Variants in NRXN3 observed in about 807,000 individuals in gnomAD.
NRXN3 encodes neurexin III.
NRXN3 carries 32 observed loss-of-function variants against 137.6 expected under a neutral mutation model. That is an observed-to-expected ratio of 0.23 (90% CI 0.18 to 0.31). NRXN3 has a LOEUF of 0.31. Ranked by LOEUF, NRXN3 falls within the 10% of genes least tolerant of loss-of-function variation. NRXN3 has a pLI of 1.00. For synonymous variants in NRXN3, 798 were observed against 784.5 expected (o/e 1.02, Z -0.29); for missense variants, 1,574 against 2,062.5 (o/e 0.76, Z 4.59).
intron 4 of NRXN3, among the ~76,000 whole-genome samples, chr14:78,418,492 A>G (rs2093271159): frequency 1.3e-5 from 2 of 152,152 alleles, no homozygotes; most frequent in South Asian, 4.2e-4. Flanking sequence ...AAGAAGGGAA[A>G]GATCTCTGAG....
At chr14:78,867,158 C>T (rs776157960) in intron 10 of NRXN3, among the ~76,000 whole-genome samples, 1 of 152,056 alleles carries the variant, frequency 6.6e-6, no homozygotes, top group East Asian at 1.9e-4. Flanking sequence ...ATCATAGTAA[C>T]TTAAGTGAGT....
intron 15 of NRXN3, among the ~76,000 whole-genome samples, chr14:79,387,959 G>A (rs1299339404): frequency 8.8e-6 from 1 of 113,878 alleles, no homozygotes; most frequent in Non-Finnish European, 1.7e-5. Context: ...GTTGTGGGGT[G>A]GGGGGAGGGG....
chr14:79,629,014 T>C (rs921297362), intron 16 of NRXN3, among the ~76,000 whole-genome samples: 7 of 152,226 alleles, frequency 4.6e-5, no homozygotes, highest in African/African-American at 1.7e-4. Flanking sequence ...CTCTACCTTA[T>C]TTTCAATGGG....
chr14:79,619,585 T>A (rs140754608), intron 16 of NRXN3, among the ~76,000 whole-genome samples: 1 of 152,222 alleles, frequency 6.6e-6, no homozygotes, highest in Non-Finnish European at 1.5e-5. Flanking sequence ...TTTATAGTAT[T>A]TTCCTTATTT....
At chr14:79,769,035 G>A (rs1337166190) in intron 19 of NRXN3, among the ~76,000 whole-genome samples, 1 of 151,966 alleles carries the variant, frequency 6.6e-6, no homozygotes, top group Non-Finnish European at 1.5e-5. Context: ...AATGGAAGAT[G>A]AAATGAATGA....
In NRXN3 at chr14:78,309,150, A is replaced by T. The variant is rs185323434; in HGVS notation, c.757+11290A>T. 1.8e-3 allele frequency among the ~76,000 whole-genome samples: 271 copies of T among 152,276 alleles called. 1 individual carries two copies. The highest frequency in any genetic ancestry group is 3.4e-3 in the Middle Eastern group (1 of 294). On this transcript the variant is annotated intron_variant, in intron 4 of 20. Transcript: ENST00000335750. Reference sequence around the variant, plus strand: ...TCTGTTTCTTTAAAAACAATGCATTATATGGTTTCAAAATAGGCCCAAGGA... The same window carrying T: ...TCTGTTTCTTTAAAAACAATGCATTTTATGGTTTCAAAATAGGCCCAAGGA...
chr14:78,522,170 A>T (rs112484839), intron 4 of NRXN3, among the ~76,000 whole-genome samples: 1 of 152,220 alleles, frequency 6.6e-6, no homozygotes, highest in Non-Finnish European at 1.5e-5. Flanking sequence ...CTACATATCT[A>T]CTATGAGTAA....
rs991607758 is a variant in NRXN3 at position 79,862,049 on chromosome 14, G to A, written c.*85G>A. The A allele has an allele frequency of 1.7e-6, 2 of 1,163,816 alleles. No individual in the cohort carries two copies. Among genetic ancestry groups the A allele is most frequent in the South Asian group, 1.6e-5 (1 of 64,370 alleles). 72.1% of individuals were successfully genotyped at this position (1,163,816 alleles called of 1,614,324 possible). On this transcript the variant is annotated 3_prime_UTR_variant, in exon 21 of 21. Coordinates refer to ENST00000335750, the MANE Select transcript of NRXN3 (RefSeq NM_001330195.2). ...CTTTGGACGGTGAGATCTCACAGATGTCAGAACTGCTGGAACTATGAAATG... is the reference window on the plus strand; with the variant it reads ...CTTTGGACGGTGAGATCTCACAGATATCAGAACTGCTGGAACTATGAAATG...
intron 16 of NRXN3, among the ~76,000 whole-genome samples, chr14:79,657,672 A>T (rs1349327033): frequency 6.6e-6 from 1 of 152,196 alleles, no homozygotes; most frequent in Admixed American, 6.5e-5. Flanking sequence ...AGCGCAAATT[A>T]TGTTCTACTG....
chr14:78,251,572 T>C (rs2068634863), intron 2 of NRXN3, among the ~76,000 whole-genome samples: 2 of 152,292 alleles, frequency 1.3e-5, no homozygotes, highest in African/African-American at 4.8e-5. Context: ...TTTTTTCTTC[T>C]AACCAGTGAC....
rs570212899 is a variant in NRXN3 at position 78,566,153 on chromosome 14, G to GC, written c.758-78962dup. 4.5e-4 allele frequency among the ~76,000 whole-genome samples: 68 copies of GC among 151,628 alleles called. 1 individual carries two copies. Among genetic ancestry groups the GC allele is most frequent in the Middle Eastern group, 6.8e-3 (2 of 294 alleles). The stretch of plus-strand genomic sequence containing the variant: ...AAGCTCATGCCGGCTCTCCCACCCC[G>GC]CCCCCAACGCCGGCCAAAAAAAAGA... On this transcript the variant is annotated intron_variant, in intron 4 of 20. Transcript: ENST00000335750.
At chr14:79,492,414 A>C (rs1392219338) in intron 16 of NRXN3, among the ~76,000 whole-genome samples, 3 of 151,704 alleles carry the variant, frequency 2.0e-5, no homozygotes, top group Non-Finnish European at 4.4e-5. Context: ...GCAGGGTCTC[A>C]CTCTGTTGCC....
chr14:79,063,763 T>C (rs1439447322), intron 15 of NRXN3, among the ~76,000 whole-genome samples: 1 of 152,122 alleles, frequency 6.6e-6, no homozygotes, highest in Non-Finnish European at 1.5e-5. Context: ...GGCAACCTCT[T>C]TATGTTTGCT....
intron 1 of NRXN3, among the ~76,000 whole-genome samples, chr14:78,191,306 TACAG>T (rs2060705172): frequency 6.6e-6 from 1 of 152,188 alleles, no homozygotes; most frequent in African/African-American, 2.4e-5. Flanking sequence ...GGTTGCATTT[TACAG>T]ACAGAGCATG....
Position 79,692,412 on chromosome 14 carries a change from C to T in NRXN3, c.3706+150C>T, listed in dbSNP as rs188636369. 4.6e-3 allele frequency: 3,042 copies of T among 666,604 alleles called. 14 individuals are homozygous for T. The highest frequency in any genetic ancestry group is 5.7e-3 in the Non-Finnish European group (2,247 of 393,062). 41.3% of individuals were successfully genotyped at this position (666,604 alleles called of 1,614,324 possible). On this transcript the variant is annotated intron_variant, in intron 18 of 20. Coordinates refer to ENST00000335750, the MANE Select transcript of NRXN3 (RefSeq NM_001330195.2). The stretch of plus-strand genomic sequence containing the variant: ...TATAATTTGTGTCAGCTTCCACCTG[C>T]CATATGTTGATAAATCATGCTATAA...
At chr14:79,227,184 C>T (rs941750035) in intron 15 of NRXN3, among the ~76,000 whole-genome samples, 12 of 152,072 alleles carry the variant, frequency 7.9e-5, no homozygotes, top group South Asian at 6.2e-4. Flanking sequence ...TATTCATTTA[C>T]GTAACACTTA....
In NRXN3 at chr14:79,798,493, C is replaced by A. The variant is rs202135573; in HGVS notation, c.4015-6619C>A. Among the ~76,000 whole-genome samples the A allele has an allele frequency of 3.9e-5, 6 of 152,262 alleles. No homozygotes were observed. The East Asian group carries it at 1.2e-3, about 29-fold the overall frequency. ...AGATGTATGGCTGTTTTCTGTGGGG[C>A]TTCAGAATATTTATGGGCCTTTCCC... On this transcript the variant is annotated intron_variant, in intron 19 of 20. Coordinates refer to ENST00000335750, the MANE Select transcript of NRXN3 (RefSeq NM_001330195.2).
chr14:79,377,861 T>C (rs2094350112), intron 15 of NRXN3, among the ~76,000 whole-genome samples: 1 of 152,228 alleles, frequency 6.6e-6, no homozygotes, highest in South Asian at 2.1e-4. Context: ...ATAGTTTCTA[T>C]GAAGCAGAAA....
intron 4 of NRXN3, among the ~76,000 whole-genome samples, chr14:78,552,013 T>C (rs990764959): frequency 1.3e-5 from 2 of 152,130 alleles, no homozygotes; most frequent in Admixed American, 6.6e-5. Flanking sequence ...AGCCAGGCCC[T>C]GCCTCCAGTG....
Sources: gnomAD v4.1 joint callset for allele counts (sites outside exome capture counted in the v4.1 genomes callset) on GRCh38, gnomAD v4.1.1 for gene constraint, MANE v1.5 for transcripts, NCBI Gene and HGNC (gene_info 2026-07-23, HGNC 2026-07-21) for gene names.